The following ADPGK variants were observed in gnomAD, a reference collection of about 807,000 sequenced individuals.
ADPGK encodes ADP-dependent glucokinase.
Under a neutral mutation model 42.4 loss-of-function variants are expected in ADPGK, and 26 were observed. The ratio of observed to expected loss-of-function variants is 0.61; its 90% confidence interval spans 0.45 to 0.85. The LOEUF is 0.85. Among genes scored for constraint, ADPGK ranks in the 40% least tolerant of loss-of-function variants. ADPGK has a pLI of 0.00. For missense variants in ADPGK, 571 were observed against 627.0 expected (o/e 0.91, Z 0.95); for synonymous variants, 267 against 252.6 (o/e 1.06, Z -0.54).
chr15:72,757,150 C>T (rs978776917), intron 4 of ADPGK: 5 of 152,402 alleles, frequency 3.3e-5, no homozygotes, highest in African/African-American at 1.2e-4. Context: ...CACCACTGTA[C>T]CCTAATACAG....
At chr15:72,753,865 G>A (rs2066077661) in intron 6 of ADPGK, among the ~76,000 whole-genome samples, 1 of 152,030 alleles carries the variant, frequency 6.6e-6, no homozygotes, top group African/African-American at 2.4e-5. Flanking sequence ...CCAAACAAAA[G>A]CTATACTGAA....
intron 4 of ADPGK, 28 bp downstream of exon 4, chr15:72,760,379 T>C (rs1445201111): frequency 1.3e-6 from 2 of 1,575,714 alleles, no homozygotes. Flanking sequence ...TGACTGGTCT[T>C]GCCACCATTA....
At chr15:72,781,312 C>T (rs1398015058) in intron 1 of ADPGK, among the ~76,000 whole-genome samples, 1 of 152,092 alleles carries the variant, frequency 6.6e-6, no homozygotes, top group Non-Finnish European at 1.5e-5. Flanking sequence ...CATAAAAGGC[C>T]CTTCACAATC....
At chr15:72,780,599 C>T (rs2066445764) in intron 1 of ADPGK, among the ~76,000 whole-genome samples, 1 of 152,106 alleles carries the variant, frequency 6.6e-6, no homozygotes, top group Non-Finnish European at 1.5e-5. Context: ...TAGTTGAAGA[C>T]CAGCCTGAGC....
At chr15:72,774,349 C>T (rs2066363939) in intron 2 of ADPGK, among the ~76,000 whole-genome samples, 1 of 152,120 alleles carries the variant, frequency 6.6e-6, no homozygotes, top group Non-Finnish European at 1.5e-5. Context: ...CCTCAAGAGG[C>T]ATGAGGGTAC....
intron 6 of ADPGK, among the ~76,000 whole-genome samples, chr15:72,754,852 A>G (rs2066091391): frequency 6.6e-6 from 1 of 152,234 alleles, no homozygotes; most frequent in Admixed American, 6.5e-5. Flanking sequence ...TGGAAAACAA[A>G]ATCAGGATAT....
At chr15:72,775,124 A>C in intron 1 of ADPGK, 27 bp from the exon 2 acceptor site, 1 of 1,580,032 alleles carries the variant, frequency 6.3e-7, no homozygotes, top group Non-Finnish European at 8.7e-7. Context: ...AACTGTGTGA[A>C]AGCAGCAGAA....
chr15:72,752,686 C>A lies in ADPGK; in HGVS notation c.1149G>T (p.Thr383=), dbSNP rs533754619. ...ASDLTRIHFH[T]LVYHILATVD... Reference sequence around the variant, plus strand: ...CAGTTGCCAGGATGTGGTAGACCAGCGTGTGGAAATGGATCCTGGTGAGAT... The same window carrying A: ...CAGTTGCCAGGATGTGGTAGACCAGAGTGTGGAAATGGATCCTGGTGAGAT... Residue 383 remains threonine (T), a synonymous_variant, in exon 7 of 7, where the codon ACG becomes ACT. Transcript: ENST00000456471. 44 of 1,614,166 alleles carry A rather than the reference C, an allele frequency of 2.7e-5. 2 individuals are homozygous for A. The South Asian group carries it at 4.6e-4, about 17-fold the overall frequency.
In ADPGK at chr15:72,760,533, G is replaced by T; in HGVS notation, c.523-6C>A. ...ACTGGACCGCAAAGAAGAACCTGGA[G>T]GCAAGCAACACGAAGTCCATCAGGA... On this transcript the variant is annotated splice_region_variant and splice_polypyrimidine_tract_variant and intron_variant, in intron 3 of 6. Transcript: ENST00000456471. The T allele has an allele frequency of 6.3e-7, 1 of 1,596,090 alleles. No individual in the cohort carries two copies. Among genetic ancestry groups the T allele is most frequent in the South Asian group, 1.1e-5 (1 of 89,946 alleles).
intron 4 of ADPGK, chr15:72,757,969 T>A (rs1567447644): frequency 8.6e-7 from 1 of 1,163,918 alleles, no homozygotes. Context: ...CTGCTTGCTG[T>A]TTCCACAGGA....
In ADPGK at chr15:72,774,913, GAA is replaced by G; in HGVS notation, c.416_417del (p.Phe139SerfsTer48). On this transcript the variant is annotated frameshift_variant, in exon 2 of 7. Coordinates refer to ENST00000456471, the MANE Select transcript of ADPGK (RefSeq NM_001365225.1). LOFTEE classifies it high-confidence loss of function. ...AERFFSDKET[F>X]HDIAQVASEF... The stretch of plus-strand genomic sequence containing the variant: ...TCTGATGCAACCTGGGCAATGTCGT[GAA>G]AAGTTTCCTTATCACTGAAGAAGCG... The G allele has an allele frequency of 6.2e-7, 1 of 1,614,132 alleles. No homozygotes were observed. The highest frequency in any genetic ancestry group is 8.5e-7 in the Non-Finnish European group (1 of 1,179,976).
At chr15:72,764,182 T>C (rs2066229209) in intron 3 of ADPGK, among the ~76,000 whole-genome samples, 1 of 152,220 alleles carries the variant, frequency 6.6e-6, no homozygotes, top group Non-Finnish European at 1.5e-5. Flanking sequence ...CGAAGGCATG[T>C]AGAAAGCTGA....
chr15:72,777,446 G>A (rs572475698), intron 1 of ADPGK, among the ~76,000 whole-genome samples: 3 of 152,134 alleles, frequency 2.0e-5, no homozygotes, highest in East Asian at 1.9e-4. Flanking sequence ...TTGGGAGACC[G>A]AGGCAGGTGG....
chr15:72,783,720 C>T lies in ADPGK; in HGVS notation c.-29G>A, dbSNP rs1276111760. The T allele has an allele frequency of 7.0e-7, 1 of 1,438,176 alleles. No homozygotes were observed. The highest frequency in any genetic ancestry group is 9.1e-7 in the Non-Finnish European group (1 of 1,101,472). 89.1% of individuals were successfully genotyped at this position (1,438,176 alleles called of 1,614,324 possible). A position where few individuals can be genotyped will look rare whatever the true frequency, so the allele number is the denominator to read the frequency against. ...GACCCAGGCGCCGCACCTGCGCGAA[C>T]CAACTCCTTTCCTAGCCCGCGCCTC... On this transcript the variant is annotated 5_prime_UTR_variant, in exon 1 of 7. Coordinates refer to ENST00000456471, the MANE Select transcript of ADPGK (RefSeq NM_001365225.1).
Position 72,772,139 on chromosome 15 carries a change from G to A in ADPGK, c.460-294C>T, listed in dbSNP as rs188614251. 4.6e-5 allele frequency among the ~76,000 whole-genome samples: 7 copies of A among 152,348 alleles called. No homozygotes were observed. In the East Asian group the frequency reaches 7.7e-4, roughly 17 times the overall value. On this transcript the variant is annotated intron_variant, in intron 2 of 6. Transcript: ENST00000456471. Reference sequence around the variant, plus strand: ...AGAAGAGACACAGGAAACAGGAAAAGTGTGGACAGGGCTTATCGTCTACAT... The same window carrying A: ...AGAAGAGACACAGGAAACAGGAAAAATGTGGACAGGGCTTATCGTCTACAT...
chr15:72,757,013 C>G (rs2066123751), intron 4 of ADPGK: 1 of 154,326 alleles, frequency 6.5e-6, no homozygotes, highest in Non-Finnish European at 1.4e-5. Flanking sequence ...CCAGTTGCTT[C>G]TATGTGAGTT....
intron 6 of ADPGK, among the ~76,000 whole-genome samples, chr15:72,753,325 AT>A (rs1380825566): frequency 1.3e-5 from 2 of 152,100 alleles, no homozygotes; most frequent in African/African-American, 4.8e-5. Flanking sequence ...GGTTATAATG[AT>A]TTTTTTTATA....
At chr15:72,768,595 G>A (rs1440633658) in intron 3 of ADPGK, among the ~76,000 whole-genome samples, 1 of 152,030 alleles carries the variant, frequency 6.6e-6, no homozygotes, top group African/African-American at 2.4e-5. Context: ...TTGAACCTGA[G>A]AGACGGACAT....
chr15:72,771,702 G>C (rs977486266), intron 3 of ADPGK, 81 bp downstream of exon 3: 82 of 1,322,348 alleles, frequency 6.2e-5, no homozygotes, highest in Non-Finnish European at 8.5e-5. Context: ...GTTGAATCAA[G>C]GAATAGATAC....
Sources: gnomAD v4.1 joint callset for allele counts (sites outside exome capture counted in the v4.1 genomes callset) on GRCh38, gnomAD v4.1.1 for gene constraint, MANE v1.5 for transcripts, NCBI Gene and HGNC (gene_info 2026-07-23, HGNC 2026-07-21) for gene names.